The following XXYLT1 variants were observed in gnomAD, a reference collection of about 807,000 sequenced individuals.
XXYLT1 encodes xyloside xylosyltransferase 1, also known as UDP-xylose:alpha-xyloside alpha-1,3-xylosyltransferase.
A neutral mutation model predicts 28.9 loss-of-function variants in XXYLT1; 20 were observed. That is an observed-to-expected ratio of 0.69 (90% confidence interval 0.49 to 1.00). XXYLT1 has a LOEUF of 1.00. Ranked by LOEUF, XXYLT1 falls within the 50% of genes least tolerant of loss-of-function variation. The pLI, the probability that XXYLT1 is intolerant of heterozygous loss-of-function variation, is 0.00. For missense variants in XXYLT1, 542 were observed against 560.1 expected (o/e 0.97, Z 0.33); for synonymous variants, 257 against 253.8 (o/e 1.01, Z -0.12).
intron 2 of XXYLT1, among the ~76,000 whole-genome samples, chr3:195,205,633 C>T (rs369402844): frequency 2.6e-5 from 4 of 152,098 alleles, no homozygotes; most frequent in Admixed American, 6.6e-5. Context: ...GAGGCCGAGG[C>T]GGGTGAATTA....
At chr3:195,105,186 T>C (rs186763127) in intron 3 of XXYLT1, among the ~76,000 whole-genome samples, 27 of 152,298 alleles carry the variant, frequency 1.8e-4, no homozygotes, top group Admixed American at 1.6e-3. Context: ...ACCCCATGGA[T>C]AGGAAAGAGG....
At chr3:195,154,393 G>A (rs533922165) in intron 3 of XXYLT1, among the ~76,000 whole-genome samples, 2 of 152,246 alleles carry the variant, frequency 1.3e-5, no homozygotes, top group East Asian at 1.9e-4. Context: ...GGCTGGACTG[G>A]TAAGGGAAGA....
At chr3:195,267,508 G>T (rs1377235395) in intron 1 of XXYLT1, among the ~76,000 whole-genome samples, 2 of 152,218 alleles carry the variant, frequency 1.3e-5, no homozygotes, top group African/African-American at 4.8e-5. Flanking sequence ...CACAGCCAGA[G>T]TGAGAAATTC....
intron 3 of XXYLT1, among the ~76,000 whole-genome samples, chr3:195,098,496 T>G (rs1213080659): frequency 1.3e-5 from 2 of 152,182 alleles, no homozygotes; most frequent in Admixed American, 1.3e-4. Context: ...GAGCTTGCAG[T>G]GAGCGGAGAT....
intron 1 of XXYLT1, chr3:195,247,760 T>G: frequency 1.4e-6 from 1 of 701,750 alleles, no homozygotes. Flanking sequence ...AAAAGAGGTT[T>G]GATGGACTCA....
chr3:195,270,772 G>C lies in XXYLT1; in HGVS notation c.287C>G (p.Pro96Arg), dbSNP rs1260794858. Reference sequence around the variant, plus strand: ...CATCATCAGCAGGTGGTAGTCCACCGGCCCGGCACCGCCGCCCTCCAAGCT... The same window carrying C: ...CATCATCAGCAGGTGGTAGTCCACCCGCCCGGCACCGCCGCCCTCCAAGCT... Reference protein sequence around the residue: ...AKSLEGGGAGPVDYHLLMMFT... With the variant: ...AKSLEGGGAGRVDYHLLMMFT... Residue 96 changes from proline to arginine, a missense_variant, in exon 1 of 4, where the codon CCG becomes CGG. By Grantham distance (103) the Pro-to-Arg change is moderately radical (BLOSUM62 -2). Coordinates refer to ENST00000310380, the MANE Select transcript of XXYLT1 (RefSeq NM_152531.5). 1.2e-5 allele frequency: 19 copies of C among 1,575,188 alleles called. No individual in the cohort carries two copies. Among genetic ancestry groups the C allele is most frequent in the Admixed American group, 1.8e-5 (1 of 55,794 alleles).
chr3:195,266,530 C>G (rs2108860173), intron 1 of XXYLT1, among the ~76,000 whole-genome samples: 1 of 152,160 alleles, frequency 6.6e-6, no homozygotes, highest in South Asian at 2.1e-4. Flanking sequence ...AAAAAGGCAG[C>G]ATTTTAGCAA....
chr3:195,106,629 G>A (rs927877315), intron 3 of XXYLT1, among the ~76,000 whole-genome samples: 1 of 152,244 alleles, frequency 6.6e-6, no homozygotes, highest in African/African-American at 2.4e-5. Context: ...CAGGCACGCC[G>A]CGGCAGGGAG....
intron 3 of XXYLT1, among the ~76,000 whole-genome samples, chr3:195,072,697 G>C (rs1389307688): frequency 6.6e-6 from 1 of 152,182 alleles, no homozygotes; most frequent in Non-Finnish European, 1.5e-5. Context: ...TGCTGCAGCA[G>C]AAACACAGCC....
chr3:195,073,226 AC>A (rs1714925934), intron 3 of XXYLT1, among the ~76,000 whole-genome samples: 1 of 152,168 alleles, frequency 6.6e-6, no homozygotes, highest in African/African-American at 2.4e-5. Flanking sequence ...TTTGGGTGGC[AC>A]CGGCCGAGGC....
intron 3 of XXYLT1, among the ~76,000 whole-genome samples, chr3:195,103,342 A>ACCTGCATCCATCACCCCACGCCAGCGG (rs1716897579): frequency 4.2e-5 from 2 of 48,062 alleles, no homozygotes; most frequent in Admixed American, 1.6e-4. Context: ...CACGCCAGCG[A>ACCTGCATCCATCACCCCACGCCAGCGG]CCTGCGTCCA....
intron 3 of XXYLT1, among the ~76,000 whole-genome samples, chr3:195,099,136 G>A (rs752053287): frequency 6.6e-5 from 10 of 152,310 alleles, no homozygotes; most frequent in East Asian, 1.9e-4. Flanking sequence ...CAGACACCGC[G>A]TTCTCAAACA....
At position 195,257,391 on chromosome 3, in the gene XXYLT1, C is replaced by T. The variant is rs1051028525; in HGVS notation, c.504+13164G>A. 2.6e-5 allele frequency among the ~76,000 whole-genome samples: 4 copies of T among 152,202 alleles called. No homozygotes were observed. Among genetic ancestry groups the T allele is most frequent in the African/African-American group, 9.6e-5 (4 of 41,452 alleles). On this transcript the variant is annotated intron_variant, in intron 1 of 3. Coordinates refer to ENST00000310380, the MANE Select transcript of XXYLT1 (RefSeq NM_152531.5). This position sits in a 1 kb window ranked among gnomAD's most constrained non-coding sequence, Gnocchi z 4.3. Reference sequence around the variant, plus strand: ...AGGGCCAGTGTCAGCTCGGCAGGAGCCAGGGGAAAGGGGCTCACCAGGGTG... The same window carrying T: ...AGGGCCAGTGTCAGCTCGGCAGGAGTCAGGGGAAAGGGGCTCACCAGGGTG...
intron 2 of XXYLT1, among the ~76,000 whole-genome samples, chr3:195,212,106 G>A (rs1723343079): frequency 7.6e-6 from 1 of 132,054 alleles, no homozygotes; most frequent in African/African-American, 3.3e-5. Context: ...AAGATCTGGA[G>A]GAGGAGAGGG....
In XXYLT1 at chr3:195,250,425, G is replaced by C. The variant is rs147906729; in HGVS notation, c.504+20130C>G. 3.3e-4 allele frequency among the ~76,000 whole-genome samples: 50 copies of C among 152,220 alleles called. 1 individual carries two copies. Among genetic ancestry groups the C allele is most frequent in the African/African-American group, 9.9e-4 (41 of 41,526 alleles). ...TAAAAAATACAAAAATTAGCTGGGC[G>C]TGGTGGCACATGCCTATAACTCTAG... On this transcript the variant is annotated intron_variant, in intron 1 of 3. Transcript: ENST00000310380.
intron 3 of XXYLT1, among the ~76,000 whole-genome samples, chr3:195,128,975 C>T (rs900351372): frequency 7.2e-5 from 11 of 152,100 alleles, no homozygotes; most frequent in African/African-American, 1.2e-4. Context: ...CATCCCCATG[C>T]GAGACGAGTC....
rs746608622 is a variant in XXYLT1, at chr3:195,070,027, G to A, written c.870C>T (p.Ser290=). 1.8e-5 allele frequency: 29 copies of A among 1,602,880 alleles called. No individual in the cohort carries two copies. Among genetic ancestry groups the A allele is most frequent in the South Asian group, 8.8e-5 (8 of 91,034 alleles). ...PPPEGLPGFN[S]GVMLLNLEAM... ...CCTCCAGGTTCAGCAACATCACCCC[G>A]CTGTTGAAGCCCGGCAGCCCCTCGG... Residue 290 remains serine (S), a synonymous_variant, in exon 4 of 4, where the codon AGC becomes AGT. Transcript: ENST00000310380.
chr3:195,203,025 G>T (rs73063164), intron 2 of XXYLT1, among the ~76,000 whole-genome samples: 35,040 of 151,940 alleles, frequency 0.23, 5,122 homozygotes, highest in African/African-American at 0.4. Flanking sequence ...TCCAGACTGG[G>T]CTTGAACTCC....
intron 3 of XXYLT1, chr3:195,122,070 C>A (rs1206068838): frequency 1.4e-6 from 1 of 703,066 alleles, no homozygotes; most frequent in South Asian, 1.5e-5. Context: ...CCCACTGATT[C>A]TGTGTCTGGT....
Sources: gnomAD v4.1 joint callset for allele counts (sites outside exome capture counted in the v4.1 genomes callset) on GRCh38, gnomAD v4.1.1 for gene constraint, Gnocchi (gnomAD v3.1) non-coding constraint, MANE v1.5 for transcripts, NCBI Gene and HGNC (gene_info 2026-07-23, HGNC 2026-07-21) for gene names.